LRBA: variants seen among roughly 807,000 people sequenced by gnomAD.
The protein encoded by LRBA is lipopolysaccharide-responsive and beige-like anchor protein.
A neutral mutation model predicts 330.0 loss-of-function variants in LRBA; 176 were observed. That is an observed-to-expected ratio of 0.53 (90% CI 0.47 to 0.60). The LOEUF is 0.60. Ranked by LOEUF, LRBA falls within the 20% of genes least tolerant of loss-of-function variation. LRBA has a pLI of 0.00. For missense variants in LRBA, 3,259 were observed against 3,444.8 expected, an observed-to-expected ratio of 0.95 and a Z score of 1.35; for synonymous variants, 1,230 against 1,193.0, an observed-to-expected ratio of 1.03 and a Z score of -0.64.
rs761656015 is a variant in LRBA, at chr4:150,916,297, G to A, written c.894+104C>T. The A allele has an allele frequency of 6.7e-4, 762 of 1,143,166 alleles. 8 individuals carry two copies. Among genetic ancestry groups the A allele is most frequent in the Admixed American group, 2.5e-4 (9 of 35,420 alleles). The allele number at this position is 1,143,166 out of a possible 1,614,324, so 70.8% of individuals were successfully genotyped here. ...CTTCATCTTTTTAAACAGTAAAAAC[G>A]AAGTTGTGCTTTAGCATGTTATTAT... On this transcript the variant is annotated intron_variant, in intron 7 of 56. Coordinates refer to ENST00000651943, the MANE Select transcript of LRBA (RefSeq NM_001364905.1).
chr4:150,446,541 C>T (rs943319928), intron 44 of LRBA, among the ~76,000 whole-genome samples: 4 of 152,244 alleles, frequency 2.6e-5, no homozygotes, highest in Admixed American at 1.3e-4. Context: ...CAGTTGTATT[C>T]CTAGAAAAAG....
intron 47 of LRBA, among the ~76,000 whole-genome samples, chr4:150,391,408 G>C (rs958827890): frequency 6.6e-6 from 1 of 152,116 alleles, no homozygotes; most frequent in Non-Finnish European, 1.5e-5. Flanking sequence ...TATATAAAAA[G>C]ATTTATTTTG....
intron 47 of LRBA, among the ~76,000 whole-genome samples, chr4:150,390,054 C>G (rs936715625): frequency 6.6e-6 from 1 of 151,550 alleles, no homozygotes; most frequent in African/African-American, 2.4e-5. Context: ...ACATGGCATT[C>G]TAATGGGTAA....
At chr4:150,348,354 T>C (rs1304531866) in intron 48 of LRBA, among the ~76,000 whole-genome samples, 4 of 152,328 alleles carry the variant, frequency 2.6e-5, no homozygotes, top group Non-Finnish European at 4.4e-5. Flanking sequence ...GAGCTACTTA[T>C]GTCATCTTGG....
Position 150,265,736 on chromosome 4 carries a change from G to C in LRBA, c.8545C>G (p.Gln2849Glu). 1 of 1,611,880 alleles carries C rather than the reference G, an allele frequency of 6.2e-7. No homozygotes were observed. Among genetic ancestry groups the C allele is most frequent in the Non-Finnish European group, 8.5e-7 (1 of 1,178,008 alleles). ...NDFNRWHHEY[Q>E]TRY is the part of the protein sequence containing the mutation. ...AGCTGTCACCATCAGTAGCGGGTTTGGTATTCATGATGCCACCGGTTAAAG... is the reference window on the plus strand; with the variant it reads ...AGCTGTCACCATCAGTAGCGGGTTTCGTATTCATGATGCCACCGGTTAAAG... Residue 2849 changes from glutamine to glutamate, a missense_variant, in exon 57 of 57, where the codon CAA (glutamine) becomes GAA (glutamate). By Grantham distance (29) the Gln-to-Glu change is conservative. Coordinates refer to ENST00000651943, the MANE Select transcript of LRBA (RefSeq NM_001364905.1).
At chr4:150,323,705 G>A (rs573417380) in intron 49 of LRBA, among the ~76,000 whole-genome samples, 21 of 152,268 alleles carry the variant, frequency 1.4e-4, no homozygotes, top group African/African-American at 3.6e-4. Context: ...TCTCTTGGGC[G>A]TTTCATCATA....
intron 31 of LRBA, among the ~76,000 whole-genome samples, chr4:150,810,542 C>T (rs1246283081): frequency 2.6e-5 from 4 of 152,118 alleles, no homozygotes; most frequent in South Asian, 2.1e-4. Context: ...TTGGTCAGGA[C>T]GCATAGGATT....
intron 2 of LRBA, among the ~76,000 whole-genome samples, chr4:150,940,913 C>A (rs1020106008): frequency 6.6e-6 from 1 of 151,884 alleles, no homozygotes; most frequent in Non-Finnish European, 1.5e-5. Context: ...GCCTCTATTT[C>A]ATAATTTATT....
At chr4:150,334,825 G>T (rs1581041120) in intron 48 of LRBA, among the ~76,000 whole-genome samples, 2 of 134,686 alleles carry the variant, frequency 1.5e-5, no homozygotes, top group Admixed American at 7.9e-5. Context: ...TTTTTGTTTT[G>T]TCTTGGTTTT....
intron 47 of LRBA, among the ~76,000 whole-genome samples, chr4:150,397,235 CA>C (rs1744854547): frequency 1.3e-5 from 2 of 152,192 alleles, no homozygotes; most frequent in East Asian, 3.9e-4. Flanking sequence ...ATTTTCCTCT[CA>C]TTAAGTGCAT....
At chr4:150,843,352 AACAT>A (rs1377244458) in intron 28 of LRBA, among the ~76,000 whole-genome samples, 1 of 152,200 alleles carries the variant, frequency 6.6e-6, no homozygotes, top group African/African-American at 2.4e-5. Context: ...ATATATGTAA[AACAT>A]ACAGTAAGTG....
chr4:150,446,932 C>CTA (rs1752684802), intron 44 of LRBA, among the ~76,000 whole-genome samples: 1 of 151,960 alleles, frequency 6.6e-6, no homozygotes, highest in African/African-American at 2.4e-5. Context: ...TATATCTGAT[C>CTA]TATATGGTGG....
chr4:150,503,537 G>T lies in LRBA; in HGVS notation c.6331-12502C>A, dbSNP rs544438036. ...CTCTCTGCAGCTGAGAGTCCTGTCT[G>T]TTAGAAGGAAAACTAACAAACAGGA... is the stretch of plus-strand genomic sequence containing the variant. On this transcript the variant is annotated intron_variant, in intron 40 of 56. Coordinates refer to ENST00000651943, the MANE Select transcript of LRBA (RefSeq NM_001364905.1). Among the ~76,000 whole-genome samples, 282 of 152,234 alleles carry T rather than the reference G, an allele frequency of 1.9e-3. 3 individuals are homozygous for T. Among genetic ancestry groups the T allele is most frequent in the African/African-American group, 6.5e-3 (270 of 41,532 alleles).
intron 17 of LRBA, among the ~76,000 whole-genome samples, chr4:150,880,654 T>C (rs985920244): frequency 6.6e-6 from 1 of 152,038 alleles, no homozygotes; most frequent in Non-Finnish European, 1.5e-5. Context: ...AATTTATCAC[T>C]AAGTCCTCAA....
intron 46 of LRBA, among the ~76,000 whole-genome samples, chr4:150,432,672 C>T (rs1750594042): frequency 6.6e-6 from 1 of 151,588 alleles, no homozygotes; most frequent in Non-Finnish European, 1.5e-5. Flanking sequence ...GTCTCGATCT[C>T]CTGACCTCGT....
At chr4:150,854,678 A>G (rs998526586) in intron 22 of LRBA, among the ~76,000 whole-genome samples, 3 of 152,202 alleles carry the variant, frequency 2.0e-5, no homozygotes, top group African/African-American at 7.2e-5. Context: ...TCTCTGTTCT[A>G]TTTGAACAAA....
At chr4:150,683,152 A>T (rs1331961261) in intron 37 of LRBA, among the ~76,000 whole-genome samples, 1 of 152,160 alleles carries the variant, frequency 6.6e-6, no homozygotes, top group African/African-American at 2.4e-5. Context: ...TAACTAAAAA[A>T]TATAAAAAGA....
chr4:150,474,749 C>G (rs1159016856), intron 42 of LRBA, among the ~76,000 whole-genome samples: 1 of 152,120 alleles, frequency 6.6e-6, no homozygotes, highest in Non-Finnish European at 1.5e-5. Flanking sequence ...ATTCCCAGTG[C>G]AGATATCTTT....
intron 36 of LRBA, among the ~76,000 whole-genome samples, chr4:150,720,246 ATAAGT>A (rs1728752903): frequency 6.6e-6 from 1 of 152,174 alleles, no homozygotes; most frequent in Non-Finnish European, 1.5e-5. Flanking sequence ...CAATCAACAA[ATAAGT>A]TAATACATAA....
Sources: gnomAD v4.1 joint callset for allele counts (sites outside exome capture counted in the v4.1 genomes callset) on GRCh38, gnomAD v4.1.1 for gene constraint, MANE v1.5 for transcripts, NCBI Gene and HGNC (gene_info 2026-07-23, HGNC 2026-07-21) for gene names.